The following DENND3 variants were observed in gnomAD, a reference collection of about 807,000 sequenced individuals.
DENND3 encodes the protein DENN domain-containing protein 3.
In DENND3, 88 loss-of-function variants were observed where a neutral mutation model predicts 135.1. The ratio of observed to expected loss-of-function variants is 0.65; its 90% CI spans 0.55 to 0.78. DENND3 has a LOEUF of 0.78. Ranked by LOEUF, DENND3 falls within the 30% of genes least tolerant of loss-of-function variation. DENND3 has a pLI of 0.00. For missense variants in DENND3, 1,392 were observed against 1,688.4 expected (o/e 0.82, Z 3.08); for synonymous variants, 693 against 712.3 (o/e 0.97, Z 0.43).
At chr8:141,145,549 T>G (rs367918788) in intron 5 of DENND3, among the ~76,000 whole-genome samples, 188 of 152,228 alleles carry the variant, frequency 1.2e-3, no homozygotes, top group African/African-American at 4.2e-3. Flanking sequence ...GCTTAAATTA[T>G]GTTTCTCAAG....
At chr8:141,157,509 G>A (rs1819590104) in intron 8 of DENND3, 1 of 985,804 alleles carries the variant, frequency 1.0e-6, no homozygotes, top group Non-Finnish European at 1.2e-6. Flanking sequence ...AGGGAGGGGA[G>A]CGCTTAGGCT....
At chr8:141,173,340 G>T (rs1821892302) in intron 13 of DENND3, among the ~76,000 whole-genome samples, 1 of 152,198 alleles carries the variant, frequency 6.6e-6, no homozygotes, top group African/African-American at 2.4e-5. Flanking sequence ...ATACCGACGG[G>T]CCAAAAGAAT....
Position 141,194,259 on chromosome 8 carries a change from C to CTGTGCCCTA in DENND3, c.*31_*39dup. The CTGTGCCCTA allele has an allele frequency of 6.2e-7, 1 of 1,604,960 alleles. No homozygotes were observed. Among genetic ancestry groups the CTGTGCCCTA allele is most frequent in the Admixed American group, 1.7e-5 (1 of 58,150 alleles). On this transcript the variant is annotated 3_prime_UTR_variant, in exon 23 of 23. Transcript: ENST00000519811. The stretch of plus-strand genomic sequence containing the variant: ...ACGTGGCTGAGTCTGCCAAGTGGAA[C>CTGTGCCCTA]TGTGCCCTATGTGTGGGGACTGGCT...
intron 13 of DENND3, among the ~76,000 whole-genome samples, chr8:141,171,157 A>T (rs557388496): frequency 6.6e-6 from 1 of 152,164 alleles, no homozygotes; most frequent in South Asian, 2.1e-4. Flanking sequence ...GAAGTTACCA[A>T]TGTAAAGCAG....
rs1825134707 is a variant in DENND3 at position 141,194,331 on chromosome 8, C to T, written c.*98C>T. 3 of 1,396,686 alleles carry T rather than the reference C, an allele frequency of 2.1e-6. No individual in the cohort carries two copies. The African/African-American group carries it at 4.2e-5, about 20-fold the overall frequency. The allele number at this position is 1,396,686 out of a possible 1,614,324, so 86.5% of individuals were successfully genotyped here. A position where few individuals can be genotyped will look rare whatever the true frequency, so the allele number is the denominator to read the frequency against. On this transcript the variant is annotated 3_prime_UTR_variant, in exon 23 of 23. Coordinates refer to ENST00000519811, the MANE Select transcript of DENND3 (RefSeq NM_001352890.3). ...GCAGAAGCCTGGAGGGGTGGCAGGGCAGAGCAGCCCAGGCTCAGCATGGAG... is the reference window on the plus strand; with the variant it reads ...GCAGAAGCCTGGAGGGGTGGCAGGGTAGAGCAGCCCAGGCTCAGCATGGAG...
At chr8:141,176,313 G>T (rs1362953247) in intron 14 of DENND3, 2 of 321,386 alleles carry the variant, frequency 6.2e-6, no homozygotes, top group Non-Finnish European at 1.1e-5. Flanking sequence ...AAAAGAGGGA[G>T]AGAGAAGTAT....
Position 141,137,624 on chromosome 8 carries a change from G to A in DENND3, c.386-398G>A, listed in dbSNP as rs779164002. On this transcript the variant is annotated intron_variant, in intron 2 of 22. Coordinates refer to ENST00000519811, the MANE Select transcript of DENND3 (RefSeq NM_001352890.3). This position sits in a 1 kb window ranked among gnomAD's most constrained non-coding sequence, Gnocchi z 4.1. ...AACAGGTGAGCTTGCATTTTGGGGC[G>A]TTATTTTTCCTGTGGTCTTCAGGAA... is the stretch of plus-strand genomic sequence containing the variant. Among the ~76,000 whole-genome samples the A allele has an allele frequency of 2.0e-5, 3 of 152,158 alleles. No individual in the cohort carries two copies. The highest frequency in any genetic ancestry group is 4.8e-5 in the African/African-American group (2 of 41,434).
Position 141,141,377 on chromosome 8 carries a change from C to A in DENND3, c.623+53C>A, listed in dbSNP as rs1352175389. 1 of 1,600,986 alleles carries A rather than the reference C, an allele frequency of 6.2e-7. No individual in the cohort carries two copies. Among genetic ancestry groups the A allele is most frequent in the Non-Finnish European group, 8.5e-7 (1 of 1,174,388 alleles). ...TGGTAGGGGGCAGCTCTTTGTGCCT[C>A]TCCAGGTGAGCCAAGGGACCAGGGG... On this transcript the variant is annotated intron_variant, in intron 4 of 22. Coordinates refer to ENST00000519811, the MANE Select transcript of DENND3 (RefSeq NM_001352890.3). The surrounding 1 kb of genome is among the most constrained non-coding windows in gnomAD (Gnocchi z 5.3).
intron 18 of DENND3, among the ~76,000 whole-genome samples, chr8:141,186,680 C>T (rs778900049): frequency 1.3e-5 from 2 of 152,226 alleles, no homozygotes; most frequent in Non-Finnish European, 2.9e-5. Context: ...AATTTTAAAA[C>T]AAGTGCAACT....
intron 6 of DENND3, among the ~76,000 whole-genome samples, 187 bp downstream of exon 6, chr8:141,151,140 T>C (rs1351338263): frequency 6.6e-6 from 1 of 152,224 alleles, no homozygotes; most frequent in Admixed American, 6.5e-5. Context: ...AATGGCACCC[T>C]TTGCAGAGTC....
rs11986709 is a variant in DENND3, at chr8:141,148,547, C to T, written c.736-2287C>T. Among the ~76,000 whole-genome samples, 1,156 of 152,230 alleles carry T rather than the reference C, an allele frequency of 7.6e-3. 18 individuals carry two copies. The highest frequency in any genetic ancestry group is 0.027 in the African/African-American group (1,103 of 41,526). Reference sequence around the variant, plus strand: ...ATTTTCTATGTTGCTTTGTATGTGACACCTGTTCTTTCCTGGGGCTCAAAT... The same window carrying T: ...ATTTTCTATGTTGCTTTGTATGTGATACCTGTTCTTTCCTGGGGCTCAAAT... On this transcript the variant is annotated intron_variant, in intron 5 of 22. Transcript: ENST00000519811.
Position 141,168,511 on chromosome 8 carries a change from A to C in DENND3, c.2261A>C (p.Glu754Ala), listed in dbSNP as rs1821092317. 3.1e-6 allele frequency: 5 copies of C among 1,607,290 alleles called. No homozygotes were observed. The East Asian group carries it at 1.1e-4, about 36-fold the overall frequency. The change falls in exon 13 of 23, where the codon GAG (glutamate) becomes GCG (alanine). Residue 754 changes from glutamate (E) to alanine (A), a missense_variant. Coordinates refer to ENST00000519811, the MANE Select transcript of DENND3 (RefSeq NM_001352890.3). The surrounding 1 kb of genome is among the most constrained non-coding windows in gnomAD (Gnocchi z 6.2). ...KDASIIHRLFEALTVGQEKQI... is the reference protein window; with the variant it reads ...KDASIIHRLFAALTVGQEKQI... ...GCCAGCATCATACACCGGCTGTTCGAGGCCTTGACTGTAGGTAAGAGGAGG... is the reference window on the plus strand; with the variant it reads ...GCCAGCATCATACACCGGCTGTTCGCGGCCTTGACTGTAGGTAAGAGGAGG...
rs1055253364 is a variant in DENND3, at chr8:141,130,534, C to G, written c.102+1725C>G. On this transcript the variant is annotated intron_variant, in intron 1 of 22. Transcript: ENST00000519811. The surrounding 1 kb of genome is among the most constrained non-coding windows in gnomAD (Gnocchi z 4.2). ...GGGTGGAGAGAAAAGTAGTGAAGGACTAAGAAAATAAGGAGCGTTAGGGGA... is the reference window on the plus strand; with the variant it reads ...GGGTGGAGAGAAAAGTAGTGAAGGAGTAAGAAAATAAGGAGCGTTAGGGGA... Among the ~76,000 whole-genome samples, 28 of 152,078 alleles carry G rather than the reference C, an allele frequency of 1.8e-4. No individual in the cohort carries two copies. Among genetic ancestry groups the G allele is most frequent in the African/African-American group, 6.8e-4 (28 of 41,392 alleles).
In DENND3 at chr8:141,160,759, A is replaced by G. The variant is rs770348664; in HGVS notation, c.1324A>G (p.Thr442Ala). The G allele has an allele frequency of 2.5e-6, 4 of 1,612,132 alleles. No individual in the cohort carries two copies. The highest frequency in any genetic ancestry group is 3.4e-6 in the Non-Finnish European group (4 of 1,179,218). Residue 442 changes from threonine (T) to alanine (A), a missense_variant, in exon 9 of 23, where the codon ACC (threonine) becomes GCC (alanine). Transcript: ENST00000519811. ...ACTCAACTGCCAGATACAGCAGACC[A>G]CCCTGCAGCTGCTCGTGAGCATCTT... ...QKLNCQIQQTTLQLLVSIFRD... is the reference protein window; with the variant it reads ...QKLNCQIQQTALQLLVSIFRD...
In DENND3 at chr8:141,154,532, T is replaced by G. The variant is rs1819202195; in HGVS notation, c.1075-1317T>G. On this transcript the variant is annotated intron_variant, in intron 7 of 22. Transcript: ENST00000519811. The surrounding 1 kb of genome is among the most constrained non-coding windows in gnomAD (Gnocchi z 4.4). ...GTTTGTTCCAGGGTAGGAGAAACCT[T>G]GTCAACAACATGTATTGGAATCTTT... Among the ~76,000 whole-genome samples, 1 of 152,120 alleles carries G rather than the reference T, an allele frequency of 6.6e-6. No homozygotes were observed. The highest frequency in any genetic ancestry group is 2.1e-4 in the South Asian group (1 of 4,828).
rs1368253895 is a variant in DENND3, at chr8:141,178,124, G to A, written c.2764G>A (p.Gly922Ser). The A allele has an allele frequency of 1.9e-6, 3 of 1,612,932 alleles. No individual in the cohort carries two copies. Among genetic ancestry groups the A allele is most frequent in the African/African-American group, 2.7e-5 (2 of 74,928 alleles). Reference protein sequence around the residue: ...TNVLLMDAVVGTLQSPGAIYA... With the variant: ...TNVLLMDAVVSTLQSPGAIYA... The stretch of plus-strand genomic sequence containing the variant: ...CGTCTTGCTGATGGACGCCGTCGTG[G>A]GCACACTGCAGTCACCAGGCGCCAT... The change falls in exon 16 of 23, where the codon GGC (glycine) becomes AGC (serine). Residue 922 changes from glycine (G) to serine (S), a missense_variant. Transcript: ENST00000519811.
rs577957587 is a variant in DENND3, at chr8:141,193,239, G to A, written c.3636+576G>A. ...AGGTTCAGAGGATATGGATTTGGGGGGACACTGTTCAACCCATTACAGTCT... is the reference window on the plus strand; with the variant it reads ...AGGTTCAGAGGATATGGATTTGGGGAGACACTGTTCAACCCATTACAGTCT... On this transcript the variant is annotated intron_variant, in intron 22 of 22. Coordinates refer to ENST00000519811, the MANE Select transcript of DENND3 (RefSeq NM_001352890.3). The A allele has an allele frequency of 7.2e-5, 12 of 167,354 alleles. No individual in the cohort carries two copies. In the South Asian group the frequency reaches 1.2e-3, roughly 17 times the overall value. The allele number at this position is 167,354 out of a possible 1,614,324, so 10.4% of individuals were successfully genotyped here. A position where few individuals can be genotyped will look rare whatever the true frequency, so the allele number is the denominator to read the frequency against.
chr8:141,184,288 A>G (rs1823595494), intron 17 of DENND3, among the ~76,000 whole-genome samples: 1 of 152,196 alleles, frequency 6.6e-6, no homozygotes, highest in South Asian at 2.1e-4. Context: ...TTATGAATAC[A>G]GCACCATGGA....
chr8:141,182,558 A>G lies in DENND3; in HGVS notation c.2944+1704A>G. The G allele has an allele frequency of 1.1e-6, 1 of 931,372 alleles. No individual in the cohort carries two copies. Among genetic ancestry groups the G allele is most frequent in the Non-Finnish European group, 1.3e-6 (1 of 781,092 alleles). The allele number at this position is 931,372 out of a possible 1,614,324, so 57.7% of individuals were successfully genotyped here. On this transcript the variant is annotated intron_variant, in intron 17 of 22. Coordinates refer to ENST00000519811, the MANE Select transcript of DENND3 (RefSeq NM_001352890.3). The surrounding 1 kb of genome is among the most constrained non-coding windows in gnomAD (Gnocchi z 5.9). ...GAGCTTCCTGTTGTGACGGGCGAGG[A>G]GTTCAGGCGGCTTCCCCTCCAGGAG... is the stretch of plus-strand genomic sequence containing the variant.
Sources: allele counts gnomAD v4.1 joint callset (sites outside exome capture counted in the v4.1 genomes callset), GRCh38; gene constraint gnomAD v4.1.1; non-coding constraint Gnocchi (gnomAD v3.1); transcripts MANE v1.5; gene names NCBI Gene and HGNC (gene_info 2026-07-23, HGNC 2026-07-21).